Variants in POTEF observed in about 807,000 individuals in gnomAD.
POTEF encodes the protein POTE ankyrin domain family member F.
POTEF carries 20 observed loss-of-function variants against 83.2 expected under a neutral mutation model. The observed-to-expected ratio is 0.24, with a 90% CI of 0.17 to 0.35. The LOEUF is 0.35. POTEF is among the 10% of genes least tolerant of loss of function. The pLI is 1.00. For missense variants in POTEF, 550 were observed against 1,203.2 expected (o/e 0.46, Z 8.03); for synonymous variants, 196 against 446.4 (o/e 0.44, Z 7.07).
In POTEF at chr2:130,110,698, G is replaced by C; in HGVS notation, c.918-18C>G. 8.8e-7 allele frequency: 1 copy of C among 1,137,254 alleles called. No homozygotes were observed. Among genetic ancestry groups the C allele is most frequent in the Non-Finnish European group, 1.2e-6 (1 of 851,196 alleles). The allele number at this position is 1,137,254 out of a possible 1,614,324, so 70.4% of individuals were successfully genotyped here. A position where few individuals can be genotyped will look rare whatever the true frequency, so the allele number is the denominator to read the frequency against. On this transcript the variant is annotated intron_variant, in intron 6 of 16. Coordinates refer to ENST00000409914, the MANE Select transcript of POTEF (RefSeq NM_001099771.2). ...GAGCAGTTCTAAAATGACAGAGATA[G>C]GAACTGTAATAAAGTTATTTTTAAA... is the stretch of plus-strand genomic sequence containing the variant.
At chr2:130,083,334 T>C (rs1558881704) in intron 15 of POTEF, among the ~76,000 whole-genome samples, 1 of 149,286 alleles carries the variant, frequency 6.7e-6, no homozygotes, top group Admixed American at 6.6e-5. Context: ...GACTCTGTCT[T>C]AAAAAAAAAA....
intron 3 of POTEF, among the ~76,000 whole-genome samples, chr2:130,117,954 T>C (rs983132155): frequency 7.5e-6 from 1 of 133,346 alleles, no homozygotes; most frequent in South Asian, 2.4e-4. Context: ...TTCTTTTTTT[T>C]TTTTGAGATG....
chr2:130,087,623 T>C (rs2443674), intron 13 of POTEF, among the ~76,000 whole-genome samples: 1 of 93,334 alleles, frequency 1.1e-5, no homozygotes, highest in African/African-American at 4.4e-5. Context: ...ATTTTAAGAA[T>C]CTATTAAAAT....
At chr2:130,121,025 T>G (rs1684989815) in intron 2 of POTEF, among the ~76,000 whole-genome samples, 1 of 149,708 alleles carries the variant, frequency 6.7e-6, no homozygotes, top group Non-Finnish European at 1.5e-5. Context: ...GGCGTGCGCG[T>G]GCAAGCCGTT....
intron 8 of POTEF, among the ~76,000 whole-genome samples, chr2:130,107,103 C>CTAACAT (rs1684557401): frequency 1.4e-5 from 2 of 145,310 alleles, no homozygotes. Flanking sequence ...AGGTAGCATA[C>CTAACAT]TAGCATTTTT....
At position 130,093,132 on chromosome 2, in the gene POTEF, G is replaced by A. The variant is rs546076057; in HGVS notation, c.1480+306C>T. On this transcript the variant is annotated intron_variant, in intron 12 of 16. Transcript: ENST00000409914. ...GATCTAGGTTGTGTGCTTCGTATGA[G>A]AATCTAATGCCTGATGATCTGTCAC... 7.0e-5 allele frequency among the ~76,000 whole-genome samples: 10 copies of A among 143,462 alleles called. 1 individual carries two copies. The highest frequency in any genetic ancestry group is 2.8e-4 in the African/African-American group (10 of 36,310). The allele number at this position is 143,462 out of a possible 152,430, so 94.1% of individuals were successfully genotyped here.
intron 8 of POTEF, among the ~76,000 whole-genome samples, chr2:130,102,733 C>T (rs1446227419): frequency 6.6e-6 from 1 of 151,006 alleles, no homozygotes; most frequent in Non-Finnish European, 1.5e-5. Flanking sequence ...CAAATGCATA[C>T]TATTCGCAAG....
Position 130,127,057 on chromosome 2 carries a change from C to T in POTEF, c.-94+652G>A, listed in dbSNP as rs1370114459. 2.6e-5 allele frequency among the ~76,000 whole-genome samples: 4 copies of T among 151,976 alleles called. 1 individual carries two copies. Among genetic ancestry groups the T allele is most frequent in the African/African-American group, 9.7e-5 (4 of 41,244 alleles). On this transcript the variant is annotated intron_variant, in intron 2 of 16. Transcript: ENST00000409914. Reference sequence around the variant, plus strand: ...GAAAAAATGGCCGGGAGTGGTGGCTCACGCCTATAATCCTAGCACTTTGGG... The same window carrying T: ...GAAAAAATGGCCGGGAGTGGTGGCTTACGCCTATAATCCTAGCACTTTGGG...
At position 130,108,839 on chromosome 2, in the gene POTEF, T is replaced by C. The variant is rs1449048317; in HGVS notation, c.1056-760A>G. On this transcript the variant is annotated intron_variant, in intron 7 of 16. Coordinates refer to ENST00000409914, the MANE Select transcript of POTEF (RefSeq NM_001099771.2). ...AACCAATGGATGTTAAGACCTGACTTGGACCAACGATCCTTCTCTACCGAC... is the reference window on the plus strand; with the variant it reads ...AACCAATGGATGTTAAGACCTGACTCGGACCAACGATCCTTCTCTACCGAC... Among the ~76,000 whole-genome samples the C allele has an allele frequency of 2.0e-5, 3 of 149,578 alleles. 1 individual carries two copies. The highest frequency in any genetic ancestry group is 7.4e-5 in the African/African-American group (3 of 40,346).
chr2:130,075,462 C>A lies in POTEF; in HGVS notation c.2010G>T (p.Gln670His). The A allele has an allele frequency of 6.2e-7, 1 of 1,611,422 alleles. No homozygotes were observed. Among genetic ancestry groups the A allele is most frequent in the South Asian group, 1.1e-5 (1 of 90,968 alleles). The change falls in exon 17 of 17, where the codon CAG becomes CAT. Residue 670 changes from glutamine to histidine, a missense_variant. Physicochemically the swap from Gln to His is conservative, Grantham distance 24. Coordinates refer to ENST00000409914, the MANE Select transcript of POTEF (RefSeq NM_001099771.2). Reference protein sequence around the residue: ...LELDTMKHQSQLREKKYLEDI... With the variant: ...LELDTMKHQSHLREKKYLEDI... ...CCTCCAAATATTTCTTTTCTCTTAG[C>A]TGGCTCTGATGTTTCATTGTGTCTA...
chr2:130,106,455 TTGCACTTGCTGCTCTTCCTCCCAAACAG>T (rs1403126724), intron 8 of POTEF: 1 of 108,092 alleles, frequency 9.3e-6, no homozygotes, highest in Non-Finnish European at 1.8e-5. Flanking sequence ...ATCTTGTCTT[TTGCACTTGCTGCTCTTCCTCCCAAACAG>T]GCAATCTCAT....
At chr2:130,115,165 G>C in intron 4 of POTEF, 49 bp downstream of exon 4, 1 of 1,612,280 alleles carries the variant, frequency 6.2e-7, no homozygotes, top group Non-Finnish European at 8.5e-7. Flanking sequence ...TTTATGCCAT[G>C]TATTGAAATC....
intron 5 of POTEF, among the ~76,000 whole-genome samples, chr2:130,112,812 G>A (rs557519662): frequency 3.3e-5 from 5 of 150,312 alleles, no homozygotes; most frequent in South Asian, 4.2e-4. Flanking sequence ...ATAATACAGC[G>A]TCAATTGACA....
chr2:130,120,535 G>C lies in POTEF; in HGVS notation c.-20C>G, dbSNP rs775668269. The C allele has an allele frequency of 3.1e-6, 5 of 1,611,724 alleles. No individual in the cohort carries two copies. In the Admixed American group the frequency reaches 5.0e-5, roughly 16 times the overall value. On this transcript the variant is annotated 5_prime_UTR_variant, in exon 3 of 17. Coordinates refer to ENST00000409914, the MANE Select transcript of POTEF (RefSeq NM_001099771.2). ...CACCATCTGCTTTTAACAGCCAGGA[G>C]AAGCCAGTAGTAGCCAACAGATCGC...
chr2:130,104,547 A>G (rs1226604603), intron 8 of POTEF, among the ~76,000 whole-genome samples: 2 of 151,414 alleles, frequency 1.3e-5, no homozygotes, highest in Admixed American at 1.3e-4. Context: ...AAGCGGGGAA[A>G]AAATCAAAGT....
chr2:130,104,823 T>A (rs1235601881), intron 8 of POTEF, among the ~76,000 whole-genome samples: 2 of 151,518 alleles, frequency 1.3e-5, no homozygotes, highest in East Asian at 1.9e-4. Flanking sequence ...TGGACATTTA[T>A]CATCAACTTT....
At chr2:130,120,647 C>T in intron 2 of POTEF, 39 bp from the exon 3 acceptor site, 8 of 1,536,104 alleles carry the variant, frequency 5.2e-6, no homozygotes, top group Non-Finnish European at 7.0e-6. Flanking sequence ...CAAAACCTGC[C>T]AACCCCAGCA....
At chr2:130,103,217 C>G (rs1203061332) in intron 8 of POTEF, among the ~76,000 whole-genome samples, 1 of 148,684 alleles carries the variant, frequency 6.7e-6, no homozygotes, top group Non-Finnish European at 1.5e-5. Context: ...ATTCTCCTGT[C>G]TCAGTCTCCG....
rs1205071140 is a variant in POTEF, at chr2:130,108,205, C to T, written c.1056-126G>A. The T allele has an allele frequency of 1.1e-5, 16 of 1,423,492 alleles. No individual in the cohort carries two copies. In the East Asian group the frequency reaches 3.5e-4, roughly 31 times the overall value. The allele number at this position is 1,423,492 out of a possible 1,614,324, so 88.2% of individuals were successfully genotyped here. A position where few individuals can be genotyped will look rare whatever the true frequency, so the allele number is the denominator to read the frequency against. ...ATAACAGAACTTAATAGTATTATCC[C>T]ACCCACTTGTGAGTACATTCTACAA... On this transcript the variant is annotated intron_variant, in intron 7 of 16. Coordinates refer to ENST00000409914, the MANE Select transcript of POTEF (RefSeq NM_001099771.2).
Sources: gnomAD v4.1 joint callset for allele counts (sites outside exome capture counted in the v4.1 genomes callset) on GRCh38, gnomAD v4.1.1 for gene constraint, MANE v1.5 for transcripts, NCBI Gene and HGNC (gene_info 2026-07-23, HGNC 2026-07-21) for gene names.